Variants in RANBP2 observed in about 807,000 individuals in gnomAD.
The protein encoded by RANBP2 is E3 SUMO-protein ligase RanBP2.
In RANBP2, 57 loss-of-function variants were observed where a neutral mutation model predicts 303.6. The observed-to-expected ratio is 0.19, with a 90% CI of 0.15 to 0.23. The LOEUF is 0.23. Among genes scored for constraint, RANBP2 ranks in the 10% least tolerant of loss-of-function variants. The pLI is 1.00. For synonymous variants in RANBP2, 1,167 were observed against 1,301.5 expected (o/e 0.90, Z 2.23); for missense variants, 3,138 against 3,780.8 (o/e 0.83, Z 4.46).
At chr2:109,703,900 C>A in the RANBP2 span, among the ~76,000 whole-genome samples, 1 of 152,204 alleles carries the variant, frequency 6.6e-6, no homozygotes, top group African/African-American at 2.4e-5. Flanking sequence ...GAGGTCCACA[C>A]CGCGTAAATT....
the RANBP2 span, among the ~76,000 whole-genome samples, chr2:109,010,060 A>G: frequency 1.3e-5 from 2 of 152,170 alleles, no homozygotes; most frequent in South Asian, 2.1e-4. Context: ...AAGTTTGTAC[A>G]TTGTAAATGG....
At chr2:109,307,762 T>C in the RANBP2 span, among the ~76,000 whole-genome samples, 2 of 149,254 alleles carry the variant, frequency 1.3e-5, no homozygotes, top group Non-Finnish European at 3.0e-5. Context: ...CTCATCATTT[T>C]TTATGGCTGC....
At chr2:109,643,954 C>A in the RANBP2 span, among the ~76,000 whole-genome samples, 2 of 151,392 alleles carry the variant, frequency 1.3e-5, no homozygotes, top group African/African-American at 4.9e-5. Flanking sequence ...AACCCCATCT[C>A]TACTAAAAAT....
chr2:108,780,166 A>G (rs1398170704), intron 25 of RANBP2, among the ~76,000 whole-genome samples: 6 of 150,044 alleles, frequency 4.0e-5, no homozygotes, highest in Non-Finnish European at 7.4e-5. Context: ...TATGAGTTGA[A>G]TTTACTAGCT....
At chr2:109,636,666 A>T in the RANBP2 span, among the ~76,000 whole-genome samples, 2 of 152,168 alleles carry the variant, frequency 1.3e-5, no homozygotes, top group Non-Finnish European at 2.9e-5. Context: ...GGCTGGGTGC[A>T]GTGGCTCACA....
chr2:109,186,679 T>A, the RANBP2 span, among the ~76,000 whole-genome samples: 2 of 152,218 alleles, frequency 1.3e-5, no homozygotes, highest in Non-Finnish European at 2.9e-5. Context: ...AAATGCATCT[T>A]ACTAGCTTTT....
At chr2:109,205,510 A>G in the RANBP2 span, among the ~76,000 whole-genome samples, 1 of 152,284 alleles carries the variant, frequency 6.6e-6, no homozygotes, top group South Asian at 2.1e-4. Flanking sequence ...TCCACCTCCC[A>G]AAGTGCTGGG....
chr2:108,854,508 ATTAC>A, the RANBP2 span, among the ~76,000 whole-genome samples: 4 of 152,186 alleles, frequency 2.6e-5, no homozygotes, highest in African/African-American at 9.7e-5. Context: ...AGTAGACATT[ATTAC>A]TTATTATAAA....
the RANBP2 span, among the ~76,000 whole-genome samples, chr2:109,029,293 G>T: frequency 6.6e-6 from 1 of 152,186 alleles, no homozygotes; most frequent in Admixed American, 6.5e-5. Context: ...GCAGCTGCTG[G>T]GTTCTGCCTT....
the RANBP2 span, among the ~76,000 whole-genome samples, chr2:109,678,753 GT>G: frequency 6.6e-6 from 1 of 152,118 alleles, no homozygotes; most frequent in Non-Finnish European, 1.5e-5. Flanking sequence ...ATGGGAGAAG[GT>G]TCGCAGGCGG....
intron 22 of RANBP2, 73 bp from the exon 23 acceptor site, chr2:108,772,795 T>A (rs1256694421): frequency 6.7e-7 from 1 of 1,497,926 alleles, no homozygotes; most frequent in Non-Finnish European, 9.2e-7. Flanking sequence ...TGGATTATGT[T>A]GATGACTACC....
the RANBP2 span, among the ~76,000 whole-genome samples, chr2:109,188,681 T>C: frequency 6.6e-6 from 1 of 152,188 alleles, no homozygotes; most frequent in Non-Finnish European, 1.5e-5. Flanking sequence ...TTGGGTTTGC[T>C]CCTGACTTTG....
the RANBP2 span, among the ~76,000 whole-genome samples, chr2:109,766,396 C>T: frequency 1.3e-5 from 2 of 150,590 alleles, no homozygotes; most frequent in South Asian, 2.2e-4. Context: ...TTCAGGGCGC[C>T]GAGAACTTGG....
the RANBP2 span, among the ~76,000 whole-genome samples, chr2:109,652,701 C>T: frequency 6.6e-6 from 1 of 152,158 alleles, no homozygotes; most frequent in Non-Finnish European, 1.5e-5. Context: ...TCCAGTGTCC[C>T]ATGGCCAAGA....
the RANBP2 span, among the ~76,000 whole-genome samples, chr2:109,082,511 G>A: frequency 6.6e-6 from 1 of 152,024 alleles, no homozygotes; most frequent in Non-Finnish European, 1.5e-5. Context: ...ATGCTGGACA[G>A]GCTAGTGTCG....
the RANBP2 span, among the ~76,000 whole-genome samples, chr2:109,221,023 G>A: frequency 6.7e-6 from 1 of 148,798 alleles, no homozygotes; most frequent in Admixed American, 6.7e-5. Context: ...ACAGATGACA[G>A]GGTAAACAAA....
chr2:109,129,155 GC>G, the RANBP2 span: 1 of 408,398 alleles, frequency 2.4e-6, no homozygotes, highest in South Asian at 1.8e-5. Context: ...GCCGGCCGCT[GC>G]CCGCACTTCC....
At chr2:109,592,701 A>T in the RANBP2 span, among the ~76,000 whole-genome samples, 1 of 150,712 alleles carries the variant, frequency 6.6e-6, no homozygotes, top group Non-Finnish European at 1.5e-5. Flanking sequence ...AATCGCTTGA[A>T]CCCGGGAGGC....
chr2:109,119,789 G>T, the RANBP2 span, among the ~76,000 whole-genome samples: 1 of 152,284 alleles, frequency 6.6e-6, no homozygotes, highest in Admixed American at 6.5e-5. Context: ...TACTGAAAAA[G>T]ATTTTGAAAT....
Sources: gnomAD v4.1 joint callset for allele counts (sites outside exome capture counted in the v4.1 genomes callset) on GRCh38, gnomAD v4.1.1 for gene constraint, MANE v1.5 for transcripts, NCBI Gene and HGNC (gene_info 2026-07-23, HGNC 2026-07-21) for gene names.